The following SCAPER variants were observed in gnomAD, a reference collection of about 807,000 sequenced individuals.
SCAPER encodes the protein S-phase cyclin A associated protein in the ER.
Under a neutral mutation model 182.2 loss-of-function variants are expected in SCAPER, and 98 were observed. The ratio of observed to expected loss-of-function variants is 0.54; its 90% CI spans 0.46 to 0.64. SCAPER has a LOEUF of 0.64. SCAPER is among the 30% of genes least tolerant of loss of function. SCAPER has a pLI of 0.00. For synonymous variants in SCAPER, 605 were observed against 564.6 expected (o/e 1.07, Z -1.01); for missense variants, 1,432 against 1,690.0 (o/e 0.85, Z 2.68).
chr15:76,557,513 G>A (rs988373961), intron 23 of SCAPER, among the ~76,000 whole-genome samples: 57 of 152,178 alleles, frequency 3.7e-4, no homozygotes, highest in African/African-American at 1.4e-3. Context: ...ACCTCTTGGT[G>A]CTGTCCTTGT....
intron 31 of SCAPER, chr15:76,349,658 T>TA (rs11395162): frequency 0.85 from 127,484 of 149,580 alleles, 55,180 homozygotes; most frequent in Middle Eastern, 0.96. Flanking sequence ...GCATCATCAT[T>TA]AAAAAAAAAA....
At chr15:76,495,762 A>G (rs558905237) in intron 24 of SCAPER, among the ~76,000 whole-genome samples, 2 of 152,184 alleles carry the variant, frequency 1.3e-5, no homozygotes, top group Non-Finnish European at 2.9e-5. Flanking sequence ...ATATAAACCA[A>G]TGATTTTCTT....
chr15:76,753,713 A>G, intron 15 of SCAPER, 95 bp downstream of exon 15: 1 of 1,369,486 alleles, frequency 7.3e-7, no homozygotes, highest in Non-Finnish European at 9.9e-7. Context: ...CAACAGAATA[A>G]ACATTGGATA....
intron 23 of SCAPER, among the ~76,000 whole-genome samples, chr15:76,537,452 A>G (rs2044280296): frequency 6.6e-6 from 1 of 152,194 alleles, no homozygotes; most frequent in Admixed American, 6.5e-5. Flanking sequence ...AACCTGAGAA[A>G]AAGAAGCAAT....
intron 11 of SCAPER, among the ~76,000 whole-genome samples, chr15:76,766,267 T>C (rs1236013531): frequency 1.3e-5 from 2 of 152,122 alleles, no homozygotes; most frequent in African/African-American, 4.8e-5. Context: ...CAGCTAATTT[T>C]TGTATTTTTA....
At chr15:76,380,700 T>A (rs1388178785) in intron 28 of SCAPER, 1 of 152,274 alleles carries the variant, frequency 6.6e-6, no homozygotes, top group Non-Finnish European at 1.5e-5. Context: ...GTTCCAAAGG[T>A]TCAGTGTTTT....
At chr15:76,899,055 TA>T (rs1444508259) in intron 1 of SCAPER, among the ~76,000 whole-genome samples, 5 of 152,372 alleles carry the variant, frequency 3.3e-5, no homozygotes, top group Non-Finnish European at 5.9e-5. Flanking sequence ...ATAATTTACG[TA>T]ATTTTCTTTC....
intron 5 of SCAPER, among the ~76,000 whole-genome samples, chr15:76,825,893 C>T (rs944628763): frequency 3.3e-5 from 5 of 152,136 alleles, no homozygotes; most frequent in Non-Finnish European, 7.4e-5. Context: ...TATAGACGCA[C>T]ACCACCACGC....
chr15:76,876,198 C>G (rs943062056), intron 2 of SCAPER, among the ~76,000 whole-genome samples: 1 of 152,188 alleles, frequency 6.6e-6, no homozygotes, highest in Non-Finnish European at 1.5e-5. Context: ...GCCTCTCCCT[C>G]CACACCTCCC....
intron 22 of SCAPER, among the ~76,000 whole-genome samples, chr15:76,575,531 C>T (rs866050358): frequency 2.0e-5 from 3 of 152,224 alleles, no homozygotes; most frequent in African/African-American, 2.4e-5. Context: ...CCTCTTATTA[C>T]AGTCATTCCT....
At chr15:76,633,904 T>C (rs147269345) in intron 21 of SCAPER, among the ~76,000 whole-genome samples, 1 of 152,296 alleles carries the variant, frequency 6.6e-6, no homozygotes, top group East Asian at 1.9e-4. Flanking sequence ...CATTTTAGCT[T>C]ATAGGGAGTT....
intron 3 of SCAPER, 127 bp from the exon 4 acceptor site, chr15:76,858,006 C>A (rs2071552415): frequency 1.5e-6 from 1 of 654,376 alleles, no homozygotes; most frequent in Non-Finnish European, 2.6e-6. Context: ...AACATTTAAT[C>A]TCCTTCCAGA....
At chr15:76,413,493 A>T (rs1316707771) in intron 26 of SCAPER, among the ~76,000 whole-genome samples, 1 of 152,160 alleles carries the variant, frequency 6.6e-6, no homozygotes, top group Non-Finnish European at 1.5e-5. Flanking sequence ...AAAAGGTCTG[A>T]CATTTTTGCA....
intron 23 of SCAPER, among the ~76,000 whole-genome samples, chr15:76,534,075 T>C (rs777538243): frequency 6.6e-6 from 1 of 152,238 alleles, no homozygotes; most frequent in Non-Finnish European, 1.5e-5. Context: ...CATGCTGCAA[T>C]TGGTCACTAT....
intron 5 of SCAPER, among the ~76,000 whole-genome samples, chr15:76,839,773 CT>C (rs1483937168): frequency 5.3e-5 from 8 of 152,282 alleles, no homozygotes; most frequent in African/African-American, 1.9e-4. Context: ...GCCACACTTT[CT>C]TGTGGCCAGT....
chr15:76,524,269 G>A lies in SCAPER; in HGVS notation c.2839-19295C>T, dbSNP rs116627330. ...ATAGATGGCACTAGTCTACCCTGTG[G>A]AGAATGGAGAGCCATGGTAGAAGGC... On this transcript the variant is annotated intron_variant, in intron 23 of 31. Coordinates refer to ENST00000563290, the MANE Select transcript of SCAPER (RefSeq NM_020843.4). 5.4e-3 allele frequency among the ~76,000 whole-genome samples: 819 copies of A among 152,252 alleles called. 8 individuals are homozygous for A. Among genetic ancestry groups the A allele is most frequent in the African/African-American group, 0.019 (792 of 41,572 alleles).
intron 22 of SCAPER, among the ~76,000 whole-genome samples, chr15:76,584,713 TTTAC>T (rs1384412484): frequency 1.3e-5 from 2 of 152,152 alleles, no homozygotes; most frequent in Non-Finnish European, 2.9e-5. Context: ...CAATTTAATT[TTTAC>T]TTATTTATTT....
At chr15:76,472,463 CTTTT>C (rs972171601) in intron 24 of SCAPER, 1 of 468,470 alleles carries the variant, frequency 2.1e-6, no homozygotes, top group Non-Finnish European at 4.0e-6. Flanking sequence ...ATTTGTTTTA[CTTTT>C]TTTTACTCCT....
chr15:76,496,516 T>G (rs1272280998), intron 24 of SCAPER, among the ~76,000 whole-genome samples: 1 of 152,210 alleles, frequency 6.6e-6, no homozygotes, highest in East Asian at 1.9e-4. Context: ...TTCTTTTCTT[T>G]GATTCTGAAG....
Sources: allele counts gnomAD v4.1 joint callset (sites outside exome capture counted in the v4.1 genomes callset), GRCh38; gene constraint gnomAD v4.1.1; transcripts MANE v1.5; gene names NCBI Gene and HGNC (gene_info 2026-07-23, HGNC 2026-07-21).